CCDC7: variants seen among roughly 807,000 people sequenced by gnomAD.
The protein encoded by CCDC7 is coiled-coil domain containing 7, also known as coiled-coil domain-containing protein 7.
CCDC7 carries 183 observed loss-of-function variants against 196.9 expected under a neutral mutation model. That is an observed-to-expected ratio of 0.93 (90% CI 0.82 to 1.05). CCDC7 has a LOEUF of 1.05. Ranked by LOEUF, CCDC7 falls within the 50% of genes least tolerant of loss-of-function variation. The pLI is 0.00. For missense variants in CCDC7, 1,540 were observed against 1,482.2 expected (o/e 1.04, Z -0.64); for synonymous variants, 525 against 484.6 (o/e 1.08, Z -1.10).
At chr10:32,788,069 C>T (rs2082134003) in intron 29 of CCDC7, among the ~76,000 whole-genome samples, 1 of 152,312 alleles carries the variant, frequency 6.6e-6, no homozygotes, top group Admixed American at 6.5e-5. Flanking sequence ...CCACCACCTG[C>T]AAACCAACAC....
chr10:32,599,008 G>A (rs1432587175), intron 18 of CCDC7, among the ~76,000 whole-genome samples: 1 of 152,066 alleles, frequency 6.6e-6, no homozygotes, highest in East Asian at 1.9e-4. Flanking sequence ...TAAAAGAAGA[G>A]TATCTATATC....
intron 17 of CCDC7, 29 bp from the exon 19 acceptor site, chr10:32,584,203 A>G: frequency 7.6e-7 from 1 of 1,319,036 alleles, no homozygotes; most frequent in South Asian, 1.5e-5. Flanking sequence ...TATAATTTCT[A>G]ATTACTTATT....
chr10:32,709,707 A>T (rs921575790), intron 24 of CCDC7, among the ~76,000 whole-genome samples: 10 of 152,246 alleles, frequency 6.6e-5, no homozygotes, highest in Admixed American at 5.9e-4. Flanking sequence ...CAGGCCAGAG[A>T]CCAGTACTGG....
At chr10:32,594,930 T>G (rs913374400) in intron 18 of CCDC7, among the ~76,000 whole-genome samples, 1 of 152,236 alleles carries the variant, frequency 6.6e-6, no homozygotes, top group Admixed American at 6.5e-5. Flanking sequence ...AGCTTTTTGA[T>G]GTGCTGCTGA....
intron 14 of CCDC7, among the ~76,000 whole-genome samples, chr10:32,567,171 A>T (rs1208956402): frequency 6.8e-6 from 1 of 146,754 alleles, no homozygotes; most frequent in Non-Finnish European, 1.5e-5. Flanking sequence ...GAGATTATTT[A>T]TGAATTTTCT....
chr10:32,552,717 T>G (rs1806770073), intron 13 of CCDC7, among the ~76,000 whole-genome samples: 1 of 152,218 alleles, frequency 6.6e-6, no homozygotes, highest in African/African-American at 2.4e-5. Context: ...GGCTGATGAT[T>G]GTTTTGTTTA....
chr10:32,810,910 G>T (rs2086940180), intron 30 of CCDC7, among the ~76,000 whole-genome samples: 1 of 152,036 alleles, frequency 6.6e-6, no homozygotes, highest in Middle Eastern at 3.2e-3. Flanking sequence ...AAGTGCTCAT[G>T]AATGATCACT....
intron 21 of CCDC7, among the ~76,000 whole-genome samples, chr10:32,681,755 A>T (rs2075889025): frequency 6.7e-6 from 1 of 149,810 alleles, no homozygotes; most frequent in South Asian, 2.1e-4. Flanking sequence ...ACACACACAC[A>T]CACACACACA....
In CCDC7 at chr10:32,451,667, A is replaced by G. The variant is rs1415534098; in HGVS notation, c.25A>G (p.Thr9Ala). 2.5e-6 allele frequency: 4 copies of G among 1,609,974 alleles called. No homozygotes were observed. The Admixed American group carries it at 6.7e-5, about 27-fold the overall frequency. The change falls in exon 1 of 42, where the codon ACC (threonine) becomes GCC (alanine). Residue 9 changes from threonine to alanine, a missense_variant. By Grantham distance (58) the Thr-to-Ala change is moderately conservative. Transcript: ENST00000639629. ...AATGAAACCAGTAAAGCATCTGTTG[A>G]CCACCAGTAACAAATCGGCAAATGT...
intron 9 of CCDC7, among the ~76,000 whole-genome samples, chr10:32,506,951 A>T (rs1050931162): frequency 2.0e-5 from 3 of 152,152 alleles, no homozygotes; most frequent in African/African-American, 4.8e-5. Context: ...TTCTTATATA[A>T]GTATAGCCAC....
intron 3 of CCDC7, among the ~76,000 whole-genome samples, chr10:32,457,374 G>A (rs1259921870): frequency 6.6e-6 from 1 of 152,118 alleles, no homozygotes; most frequent in Admixed American, 6.5e-5. Flanking sequence ...AACTGAAAGT[G>A]GCTGAATAGT....
chr10:32,866,892 T>A lies in CCDC7; in HGVS notation c.4112-9455T>A, dbSNP rs78295506. Among the ~76,000 whole-genome samples, 1,198 of 151,696 alleles carry A rather than the reference T, an allele frequency of 7.9e-3. 7 individuals are homozygous for A. Among genetic ancestry groups the A allele is most frequent in the Middle Eastern group, 0.02 (6 of 294 alleles). The stretch of plus-strand genomic sequence containing the variant: ...TACAATCTAATGATCAAAATTGCCA[T>A]CACAATATTTTGAAAAAATATAACC... On this transcript the variant is annotated intron_variant, in intron 41 of 41. Transcript: ENST00000639629.
chr10:32,869,913 T>C (rs9702324), intron 41 of CCDC7, among the ~76,000 whole-genome samples: 138,650 of 151,500 alleles, frequency 0.92, 64,655 homozygotes, highest in East Asian at 1. Flanking sequence ...TGTAGATATG[T>C]AGCATTATTT....
chr10:32,713,107 G>T (rs2081075222), intron 25 of CCDC7, among the ~76,000 whole-genome samples: 1 of 152,136 alleles, frequency 6.6e-6, no homozygotes, highest in Non-Finnish European at 1.5e-5. Flanking sequence ...GCTAGTGTTG[G>T]TTCATATAGA....
chr10:32,685,927 C>G (rs183818884), intron 21 of CCDC7, 43 bp from the exon 23 acceptor site: 6 of 1,041,232 alleles, frequency 5.8e-6, no homozygotes, highest in African/African-American at 3.2e-5. Flanking sequence ...CACAAAAGAT[C>G]CATTTTTCTA....
chr10:32,456,205 A>G (rs369861851), intron 2 of CCDC7, 46 bp from the exon 4 acceptor site: 17 of 1,450,576 alleles, frequency 1.2e-5, no homozygotes, highest in Non-Finnish European at 1.5e-5. Context: ...AGACATGCAT[A>G]TGGATTCTTA....
At chr10:32,510,793 T>C (rs2045988017) in intron 9 of CCDC7, among the ~76,000 whole-genome samples, 1 of 152,126 alleles carries the variant, frequency 6.6e-6, no homozygotes, top group Non-Finnish European at 1.5e-5. Context: ...AAAGTTTTAG[T>C]TTTACACTTT....
At chr10:32,451,368 A>G (rs1433712495), upstream of CCDC7, among the ~76,000 whole-genome samples, 2 of 152,234 alleles carry the variant, frequency 1.3e-5, no homozygotes, top group East Asian at 1.9e-4. Flanking sequence ...TTAAGTTTAA[A>G]TAACTTATTG....
At chr10:32,578,318 C>T (rs910034609) in intron 16 of CCDC7, among the ~76,000 whole-genome samples, 1 of 151,968 alleles carries the variant, frequency 6.6e-6, no homozygotes, top group African/African-American at 2.4e-5. Context: ...TCGTGGAAGA[C>T]TCCACAGACC....
Sources: allele counts gnomAD v4.1 joint callset (sites outside exome capture counted in the v4.1 genomes callset), GRCh38; gene constraint gnomAD v4.1.1; transcripts MANE v1.5; gene names NCBI Gene and HGNC (gene_info 2026-07-23, HGNC 2026-07-21).